The following PLD5 variants were observed in gnomAD, a reference collection of about 807,000 sequenced individuals.
PLD5 encodes the protein phospholipase D family member 5.
Under a neutral mutation model 61.1 loss-of-function variants are expected in PLD5, and 36 were observed. The ratio of observed to expected loss-of-function variants is 0.59; its 90% confidence interval spans 0.45 to 0.78. PLD5 has a LOEUF of 0.78. Ranked by LOEUF, PLD5 falls within the 30% of genes least tolerant of loss-of-function variation. PLD5 has a pLI of 0.00. For missense variants in PLD5, 515 were observed against 644.4 expected (o/e 0.80, Z 2.17); for synonymous variants, 243 against 242.8 (o/e 1.00, Z -0.01).
intron 5 of PLD5, among the ~76,000 whole-genome samples, chr1:242,173,478 A>G (rs1666899401): frequency 6.6e-6 from 1 of 152,238 alleles, no homozygotes; most frequent in Admixed American, 6.5e-5. Flanking sequence ...ATACTGCCCA[A>G]GGTAATTTAT....
At chr1:242,444,057 C>T (rs943855556) in intron 1 of PLD5, among the ~76,000 whole-genome samples, 2 of 152,156 alleles carry the variant, frequency 1.3e-5, no homozygotes, top group African/African-American at 4.8e-5. Context: ...GAACAGAACT[C>T]ATATTTGCTT....
chr1:242,469,871 C>T (rs1446535400), intron 1 of PLD5, among the ~76,000 whole-genome samples: 1 of 152,114 alleles, frequency 6.6e-6, no homozygotes, highest in East Asian at 1.9e-4. Context: ...AAACAGGACT[C>T]ATAACGTCAC....
chr1:242,229,933 CA>C lies in PLD5; in HGVS notation c.608-9819del, dbSNP rs147349480. ...AAAAAAAAAAAAAAGCTGTGTTTCT[CA>C]ATTAGGGTCCATTCAGTTCCCCAAG... On this transcript the variant is annotated intron_variant, in intron 4 of 9. Transcript: ENST00000536534. Among the ~76,000 whole-genome samples the C allele has an allele frequency of 4.3e-3, 643 of 150,874 alleles. 5 individuals carry two copies. The highest frequency in any genetic ancestry group is 0.015 in the African/African-American group (627 of 41,206).
At chr1:242,188,555 TAGG>T (rs1668051497) in intron 5 of PLD5, 1 of 152,130 alleles carries the variant, frequency 6.6e-6, no homozygotes, top group East Asian at 1.9e-4. Context: ...CAGCTGCAGT[TAGG>T]AGGACTCCTG....
At chr1:242,101,409 A>T (rs2148669764) in intron 8 of PLD5, among the ~76,000 whole-genome samples, 1 of 152,292 alleles carries the variant, frequency 6.6e-6, no homozygotes, top group East Asian at 1.9e-4. Flanking sequence ...GGAATGGGGC[A>T]GCTGAAAGAA....
rs759465537 is a variant in PLD5 at position 242,445,761 on chromosome 1, C to CTTT, written c.189+78324_189+78326dup. 1.5e-4 allele frequency among the ~76,000 whole-genome samples: 20 copies of CTTT among 129,706 alleles called. No individual in the cohort carries two copies. The South Asian group carries it at 1.6e-3, about 10-fold the overall frequency. The allele number at this position is 129,706 out of a possible 152,430, so 85.1% of individuals were successfully genotyped here. On this transcript the variant is annotated intron_variant, in intron 1 of 9. Transcript: ENST00000536534. ...TACAGTGAGGGGGTTTTATTCACTT[C>CTTT]TTTTTTTTTTTTTTTTCAAGCTGCT...
chr1:242,245,475 G>A (rs1173362165), intron 4 of PLD5, among the ~76,000 whole-genome samples: 6 of 152,232 alleles, frequency 3.9e-5, no homozygotes, highest in South Asian at 2.1e-4. Flanking sequence ...TCAGCACAGC[G>A]TGTGGGGATG....
intron 1 of PLD5, among the ~76,000 whole-genome samples, chr1:242,500,411 T>C (rs937927682): frequency 2.0e-5 from 3 of 152,192 alleles, no homozygotes; most frequent in Non-Finnish European, 2.9e-5. Context: ...ACAGTATCCG[T>C]AGACAAGAAT....
Position 242,114,029 on chromosome 1 carries a change from G to A in PLD5, c.934-3C>T, listed in dbSNP as rs755272685. ...GGGCAAAAGAGTTTTGGAGAATTCT[G>A]TGAAGACACAAAAGCCAAACTTTTA... On this transcript the variant is annotated splice_polypyrimidine_tract_variant and splice_region_variant and intron_variant, in intron 6 of 9. Coordinates refer to ENST00000536534, the MANE Select transcript of PLD5 (RefSeq NM_001372062.1). 4.3e-6 allele frequency: 7 copies of A among 1,611,648 alleles called. No homozygotes were observed. Among genetic ancestry groups the A allele is most frequent in the Non-Finnish European group, 5.9e-6 (7 of 1,179,024 alleles).
chr1:242,483,638 T>C (rs1448724019), intron 1 of PLD5, among the ~76,000 whole-genome samples: 1 of 152,080 alleles, frequency 6.6e-6, no homozygotes, highest in African/African-American at 2.4e-5. Context: ...CTGTCAACAT[T>C]AGACAGATCA....
At chr1:242,366,665 G>A (rs997347774) in intron 1 of PLD5, among the ~76,000 whole-genome samples, 9 of 151,884 alleles carry the variant, frequency 5.9e-5, no homozygotes, top group East Asian at 5.8e-4. Flanking sequence ...CAAAACCCAC[G>A]CTTGCTTTTC....
chr1:242,493,139 T>C (rs1161759348), intron 1 of PLD5, among the ~76,000 whole-genome samples: 1 of 152,162 alleles, frequency 6.6e-6, no homozygotes, highest in South Asian at 2.1e-4. Context: ...CACAAAACCA[T>C]AAAAGTTGGC....
intron 1 of PLD5, among the ~76,000 whole-genome samples, chr1:242,400,398 A>C (rs1663861048): frequency 2.0e-5 from 3 of 152,048 alleles, no homozygotes. Flanking sequence ...AAGGACAAAA[A>C]TGAAGAAACT....
chr1:242,321,390 A>C, intron 2 of PLD5, among the ~76,000 whole-genome samples: 1 of 148,006 alleles, frequency 6.8e-6, no homozygotes, highest in African/African-American at 2.5e-5. Context: ...TGCAACTTCC[A>C]CCTCCCAGGT....
At chr1:242,306,961 A>G (rs1465949569) in intron 2 of PLD5, among the ~76,000 whole-genome samples, 7 of 152,286 alleles carry the variant, frequency 4.6e-5, no homozygotes, top group African/African-American at 1.4e-4. Context: ...GTTAGTTAAG[A>G]GATGTGTGTT....
intron 2 of PLD5, among the ~76,000 whole-genome samples, chr1:242,310,867 C>G (rs1454475385): frequency 6.6e-6 from 1 of 152,062 alleles, no homozygotes; most frequent in African/African-American, 2.4e-5. Context: ...AGCAAGGTAG[C>G]AGAGTCTGGT....
At chr1:242,436,881 T>G (rs1666020440) in intron 1 of PLD5, among the ~76,000 whole-genome samples, 1 of 152,238 alleles carries the variant, frequency 6.6e-6, no homozygotes, top group Non-Finnish European at 1.5e-5. Flanking sequence ...TAAGACATTT[T>G]CTAAAAGTTA....
intron 1 of PLD5, among the ~76,000 whole-genome samples, chr1:242,409,013 G>C (rs1038149792): frequency 4.0e-5 from 6 of 151,778 alleles, no homozygotes; most frequent in African/African-American, 1.5e-4. Flanking sequence ...GTGGCAGTGA[G>C]CCAAGATCAT....
intron 5 of PLD5, among the ~76,000 whole-genome samples, chr1:242,159,764 T>A (rs1180580785): frequency 6.6e-6 from 1 of 152,182 alleles, no homozygotes; most frequent in African/African-American, 2.4e-5. Flanking sequence ...AAGCTCCAGG[T>A]AGGATTTCAT....
Sources: gnomAD v4.1 joint callset for allele counts (sites outside exome capture counted in the v4.1 genomes callset) on GRCh38, gnomAD v4.1.1 for gene constraint, MANE v1.5 for transcripts, NCBI Gene and HGNC (gene_info 2026-07-23, HGNC 2026-07-21) for gene names.